Variants in CTPS2 observed in about 807,000 individuals in gnomAD.
CTPS2 encodes CTP synthase II.
CTPS2 carries 19 observed loss-of-function variants against 46.8 expected under a neutral mutation model. The observed-to-expected ratio is 0.41, with a 90% CI of 0.28 to 0.60. The LOEUF (loss-of-function observed/expected upper bound fraction) is 0.60, where lower values mean the gene tolerates loss of function less well. Ranked by LOEUF, CTPS2 falls within the 20% of genes least tolerant of loss-of-function variation. The probability of loss-of-function intolerance (pLI) is 0.35; values close to 1 mark genes in which losing one functional copy is unlikely to be tolerated. For missense variants in CTPS2, 286 were observed against 447.6 expected, an observed-to-expected ratio of 0.64 and a Z score of 3.26; for synonymous variants, 151 against 165.2, an observed-to-expected ratio of 0.91 and a Z score of 0.66.
chrX:16,682,313 C>T (rs756577359), intron 9 of CTPS2, among the ~76,000 whole-genome samples: 3 of 111,424 alleles, frequency 2.7e-5, no homozygotes, highest in East Asian at 2.8e-4. Context: ...GGTGAAACCC[C>T]GTCTCTATTA....
chrX:16,607,107 C>T (rs1930019617), intron 17 of CTPS2, among the ~76,000 whole-genome samples: 1 of 113,059 alleles, frequency 8.8e-6, no homozygotes, highest in Non-Finnish European at 1.9e-5. Flanking sequence ...GGCCATACAA[C>T]ACACAGGTGG....
intron 13 of CTPS2, 71 bp downstream of exon 13, chrX:16,667,443 T>C: frequency 9.1e-7 from 1 of 1,101,908 alleles, no homozygotes; most frequent in African/African-American, 1.8e-5. Flanking sequence ...CAATAGCCCC[T>C]TATGAATTTA....
At chrX:16,655,692 G>A (rs1028310977) in intron 13 of CTPS2, among the ~76,000 whole-genome samples, 1 of 111,931 alleles carries the variant, frequency 8.9e-6, no homozygotes, top group African/African-American at 3.2e-5. Flanking sequence ...CTTTATCCTC[G>A]CAACTCTCCT....
chrX:16,683,380 T>C (rs1006950068), intron 8 of CTPS2, among the ~76,000 whole-genome samples, 154 bp from the exon 9 acceptor site: 1 of 111,734 alleles, frequency 8.9e-6, no homozygotes. Context: ...AGAGAATCAC[T>C]GAAGCCCAGG....
At chrX:16,711,030 A>G (rs1012358672) in intron 1 of CTPS2, among the ~76,000 whole-genome samples, 1 of 112,182 alleles carries the variant, frequency 8.9e-6, no homozygotes, top group Non-Finnish European at 1.9e-5. Context: ...GTGTCAAGAC[A>G]AGTTTTTCAT....
intron 4 of CTPS2, among the ~76,000 whole-genome samples, chrX:16,695,334 A>T (rs1441355667): frequency 9.1e-6 from 1 of 110,269 alleles, no homozygotes; most frequent in African/African-American, 3.3e-5. Context: ...CCATTACCAT[A>T]CCTCTAGGTC....
Position 16,613,158 on chromosome X carries a change from G to A in CTPS2, c.1547-3473C>T, listed in dbSNP as rs566165470. Among the ~76,000 whole-genome samples the A allele has an allele frequency of 4.3e-4, 48 of 112,312 alleles. No individual in the cohort carries two copies. The South Asian group carries it at 0.018, about 42-fold the overall frequency. On this transcript the variant is annotated intron_variant, in intron 16 of 18. Transcript: ENST00000359276. ...GCTAAGACGGAGAAAGAAGAGGGAG[G>A]TTAGAAGACGCACAGGCAATCCAAT...
intron 18 of CTPS2, among the ~76,000 whole-genome samples, chrX:16,590,225 T>C (rs1312052719): frequency 1.3e-5 from 1 of 76,620 alleles, no homozygotes; most frequent in Non-Finnish European, 3.1e-5. Context: ...TTTTATGTTT[T>C]ATTTTATTTT....
At chrX:16,705,029 A>G (rs1483693786) in intron 1 of CTPS2, among the ~76,000 whole-genome samples, 1 of 109,897 alleles carries the variant, frequency 9.1e-6, no homozygotes, top group Non-Finnish European at 1.9e-5. Flanking sequence ...CAAATGTACC[A>G]CTCTGCAGGT....
intron 9 of CTPS2, among the ~76,000 whole-genome samples, chrX:16,679,473 A>G (rs1922561797): frequency 8.9e-6 from 1 of 111,887 alleles, no homozygotes; most frequent in African/African-American, 3.2e-5. Context: ...GGACCCTCAA[A>G]AAAGGCCCCA....
Position 16,596,412 on chromosome X carries a change from AT to A in CTPS2, c.1692-5551del, listed in dbSNP as rs1929274804. Among the ~76,000 whole-genome samples the A allele has an allele frequency of 4.9e-5, 5 of 102,618 alleles. No homozygotes were observed. The South Asian group carries it at 2.4e-3, about 48-fold the overall frequency. The allele number at this position is 102,618 out of a possible 115,157, so 89.1% of individuals were successfully genotyped here. ...TGTGTCCATGTGTTCTCATTGTTCA[AT>A]TTCCCACCTATGAGTGAGAATATGT... is the stretch of plus-strand genomic sequence containing the variant. On this transcript the variant is annotated intron_variant, in intron 17 of 18. Transcript: ENST00000359276.
intron 13 of CTPS2, among the ~76,000 whole-genome samples, chrX:16,655,505 C>G (rs1380442721): frequency 9.0e-6 from 1 of 110,986 alleles, no homozygotes; most frequent in Non-Finnish European, 1.9e-5. Flanking sequence ...TTCTGCTACC[C>G]CTTACCAGAT....
intron 3 of CTPS2, among the ~76,000 whole-genome samples, 158 bp from the exon 4 acceptor site, chrX:16,698,494 A>G (rs1429092514): frequency 9.0e-6 from 1 of 111,645 alleles, no homozygotes; most frequent in Non-Finnish European, 1.9e-5. Context: ...AAAGAATTAG[A>G]ACTTGTAGAG....
intron 15 of CTPS2, among the ~76,000 whole-genome samples, chrX:16,618,663 T>C (rs752176486): frequency 7.7e-4 from 86 of 111,978 alleles, no homozygotes; most frequent in African/African-American, 2.6e-3. Context: ...AAGTGGTATC[T>C]TTTTGTGGTT....
chrX:16,614,446 G>A (rs1179955045), intron 16 of CTPS2, among the ~76,000 whole-genome samples: 3 of 112,842 alleles, frequency 2.7e-5, no homozygotes, highest in Non-Finnish European at 5.6e-5. Flanking sequence ...AAGGAGGCAC[G>A]TGAAAATGTT....
intron 13 of CTPS2, chrX:16,650,123 G>C (rs1483190862): frequency 8.9e-6 from 1 of 111,823 alleles, no homozygotes; most frequent in Admixed American, 9.5e-5. Flanking sequence ...TGCCCGTAAA[G>C]ACTATAAAAG....
At chrX:16,612,404 A>T (rs772937582) in intron 16 of CTPS2, among the ~76,000 whole-genome samples, 1 of 112,066 alleles carries the variant, frequency 8.9e-6, no homozygotes, top group East Asian at 2.8e-4. Context: ...TTTCCTTTTC[A>T]ATCCACATGA....
At chrX:16,617,682 T>C (rs753478447) in intron 15 of CTPS2, among the ~76,000 whole-genome samples, 6 of 112,456 alleles carry the variant, frequency 5.3e-5, no homozygotes, top group Non-Finnish European at 1.1e-4. Context: ...ATAAAAGCTC[T>C]AAAGAGAAGC....
Position 16,609,781 on chromosome X carries a change from G to A in CTPS2, c.1547-96C>T, listed in dbSNP as rs1930173794. 3 of 890,720 alleles carry A rather than the reference G, an allele frequency of 3.4e-6. No homozygotes were observed. In the South Asian group the frequency reaches 8.6e-5, roughly 26 times the overall value. The allele number at this position is 890,720 out of a possible 1,213,427, so 73.4% of individuals were successfully genotyped here. A position where few individuals can be genotyped will look rare whatever the true frequency, so the allele number is the denominator to read the frequency against. On this transcript the variant is annotated intron_variant, in intron 16 of 18. Coordinates refer to ENST00000359276, the MANE Select transcript of CTPS2 (RefSeq NM_175859.3). ...TTTGAATATGAAAACTCATTAAATG[G>A]TAAGATGATTCTTTAACCTGTTATC...
Sources: allele counts gnomAD v4.1 joint callset (sites outside exome capture counted in the v4.1 genomes callset), GRCh38; gene constraint gnomAD v4.1.1; transcripts MANE v1.5; gene names NCBI Gene and HGNC (gene_info 2026-07-23, HGNC 2026-07-21).